The following CAPSL variants were observed in gnomAD, a reference collection of about 807,000 sequenced individuals.
CAPSL encodes the protein calcyphosin-like protein.
In CAPSL, 17 loss-of-function variants were observed where a neutral mutation model predicts 21.3. The ratio of observed to expected loss-of-function variants is 0.80; its 90% CI spans 0.55 to 1.20. CAPSL has a LOEUF of 1.20. CAPSL is among the 50% of genes most tolerant of loss of function. The probability of loss-of-function intolerance (pLI) is 0.00; values close to 1 mark genes in which losing one functional copy is unlikely to be tolerated. For missense variants in CAPSL, 289 were observed against 259.3 expected, an observed-to-expected ratio of 1.11 and a Z score of -0.79; for synonymous variants, 102 against 89.3, an observed-to-expected ratio of 1.14 and a Z score of -0.80.
At chr5:35,931,665 T>G (rs1275202005) in intron 1 of CAPSL, among the ~76,000 whole-genome samples, 1 of 152,184 alleles carries the variant, frequency 6.6e-6, no homozygotes, top group Admixed American at 6.5e-5. Flanking sequence ...ACCTGCTCGA[T>G]GCAACATCTT....
chr5:35,930,613 C>A (rs1248993838), intron 1 of CAPSL, among the ~76,000 whole-genome samples: 1 of 152,182 alleles, frequency 6.6e-6, no homozygotes, highest in African/African-American at 2.4e-5. Flanking sequence ...CCACTCTAGT[C>A]TTGGTTCTGC....
rs1244471124 is a variant in CAPSL at position 35,921,045 on chromosome 5, T to C, written c.76A>G (p.Ile26Val). 1 of 1,613,980 alleles carries C rather than the reference T, an allele frequency of 6.2e-7. No homozygotes were observed. The highest frequency in any genetic ancestry group is 8.5e-7 in the Non-Finnish European group (1 of 1,180,020). The change falls in exon 2 of 5, where the codon ATT becomes GTT. Residue 26 changes from isoleucine (I) to valine (V), a missense_variant. Coordinates refer to ENST00000651391, the MANE Select transcript of CAPSL (RefSeq NM_001042625.2). ...AGGCACTGCAGTCGGAGTCTTTCAA[T>C]GGGGTCGGTGGCCGTGGTGAGCTTT... ...KKKLTTATDP[I>V]ERLRLQCLAR...
chr5:35,928,825 T>A (rs899406366), intron 1 of CAPSL, among the ~76,000 whole-genome samples: 1 of 152,094 alleles, frequency 6.6e-6, no homozygotes, highest in Non-Finnish European at 1.5e-5. Context: ...GAAGCCCTGA[T>A]ATAGAGAAAG....
chr5:35,916,387 A>G (rs183776639), intron 2 of CAPSL, among the ~76,000 whole-genome samples: 3,335 of 152,338 alleles, frequency 0.022, 119 homozygotes, highest in African/African-American at 0.076. Flanking sequence ...TGGAACCAAA[A>G]AAAGAGCCCA....
chr5:35,935,258 A>G (rs928092080), intron 1 of CAPSL, among the ~76,000 whole-genome samples: 1 of 152,040 alleles, frequency 6.6e-6, no homozygotes, highest in African/African-American at 2.4e-5. Context: ...CTTGATTTCT[A>G]CCAACTCAAC....
chr5:35,918,721 G>C (rs946461771), intron 2 of CAPSL, among the ~76,000 whole-genome samples: 4 of 152,102 alleles, frequency 2.6e-5, no homozygotes, highest in South Asian at 2.1e-4. Context: ...GTCATTAAAT[G>C]GTTGACTTGA....
intron 1 of CAPSL, among the ~76,000 whole-genome samples, chr5:35,936,207 G>A (rs1369482229): frequency 6.6e-6 from 1 of 152,056 alleles, no homozygotes; most frequent in Non-Finnish European, 1.5e-5. Context: ...AGGGCATCCT[G>A]ACTTCATCCT....
intron 1 of CAPSL, among the ~76,000 whole-genome samples, chr5:35,937,849 A>G (rs554543959): frequency 2.0e-5 from 3 of 151,592 alleles, no homozygotes; most frequent in Non-Finnish European, 4.4e-5. Flanking sequence ...AAAAAAAAAA[A>G]CAGGTAAGAA....
chr5:35,914,356 G>T (rs1738313647), intron 2 of CAPSL, among the ~76,000 whole-genome samples: 2 of 152,112 alleles, frequency 1.3e-5, no homozygotes, highest in South Asian at 4.2e-4. Context: ...GCACCAAGCG[G>T]ACCTAATAGA....
At chr5:35,929,963 G>A (rs1459897614) in intron 1 of CAPSL, among the ~76,000 whole-genome samples, 1 of 152,060 alleles carries the variant, frequency 6.6e-6, no homozygotes, top group Non-Finnish European at 1.5e-5. Context: ...TGATGTGTGA[G>A]GGTTTTTAAA....
In CAPSL at chr5:35,921,138, C is replaced by T. The variant is rs1005401812; in HGVS notation, c.1-18G>A. ...CCTGCCATCTGAGGGGAAGCCATAG[C>T]ATGTTAGCAAAGTCCAGGCCTCGCC... On this transcript the variant is annotated intron_variant, in intron 1 of 4. Coordinates refer to ENST00000651391, the MANE Select transcript of CAPSL (RefSeq NM_001042625.2). 1 of 1,612,946 alleles carries T rather than the reference C, an allele frequency of 6.2e-7. No individual in the cohort carries two copies. The highest frequency in any genetic ancestry group is 8.5e-7 in the Non-Finnish European group (1 of 1,179,686).
intron 3 of CAPSL, 48 bp from the exon 4 acceptor site, chr5:35,910,123 C>A: frequency 6.8e-7 from 1 of 1,469,220 alleles, no homozygotes; most frequent in Non-Finnish European, 9.2e-7. Flanking sequence ...AGCAAATGAG[C>A]TTTTTTGGTA....
chr5:35,923,521 G>T (rs1738591821), intron 1 of CAPSL, among the ~76,000 whole-genome samples: 1 of 152,200 alleles, frequency 6.6e-6, no homozygotes. Context: ...TGGATAAAGG[G>T]ATAAGCAAAT....
At chr5:35,919,033 G>A (rs979620360) in intron 2 of CAPSL, among the ~76,000 whole-genome samples, 18 of 151,692 alleles carry the variant, frequency 1.2e-4, no homozygotes, top group African/African-American at 2.9e-4. Context: ...TGTTAAAACC[G>A]TAGGGGCTGC....
intron 1 of CAPSL, among the ~76,000 whole-genome samples, chr5:35,928,837 C>T (rs1561443649): frequency 6.6e-6 from 1 of 152,062 alleles, no homozygotes; most frequent in Non-Finnish European, 1.5e-5. Context: ...TAGAGAAAGA[C>T]CTGGGACCAC....
rs1738293743 is a variant in CAPSL, at chr5:35,913,710, A to C, written c.138-3167T>G. ...CCCTAAAAGAGCTCCTGAAGGAAGCACTAAATGTGGAAAGGAACAACCGGT... is the reference window on the plus strand; with the variant it reads ...CCCTAAAAGAGCTCCTGAAGGAAGCCCTAAATGTGGAAAGGAACAACCGGT... On this transcript the variant is annotated intron_variant, in intron 2 of 4. Coordinates refer to ENST00000651391, the MANE Select transcript of CAPSL (RefSeq NM_001042625.2). Among the ~76,000 whole-genome samples, 3 of 152,196 alleles carry C rather than the reference A, an allele frequency of 2.0e-5. No individual in the cohort carries two copies. The South Asian group carries it at 6.2e-4, about 32-fold the overall frequency.
chr5:35,925,740 G>T (rs1464901209), intron 1 of CAPSL, among the ~76,000 whole-genome samples: 1 of 151,924 alleles, frequency 6.6e-6, no homozygotes, highest in African/African-American at 2.4e-5. Context: ...AAAAACAGGA[G>T]ACCACAAAAA....
chr5:35,921,177 G>A (rs1580889667), intron 1 of CAPSL, 57 bp from the exon 2 acceptor site: 3 of 1,578,186 alleles, frequency 1.9e-6, no homozygotes, highest in Admixed American at 1.8e-5. Context: ...GCCTCTGGCT[G>A]GGCAGAGTGA....
At chr5:35,907,952 C>T (rs746209238) in intron 4 of CAPSL, among the ~76,000 whole-genome samples, 10 of 152,068 alleles carry the variant, frequency 6.6e-5, no homozygotes, top group African/African-American at 2.4e-5. Context: ...ATTCAGTGTG[C>T]GAAAGTTTGA....
Sources: allele counts gnomAD v4.1 joint callset (sites outside exome capture counted in the v4.1 genomes callset), GRCh38; gene constraint gnomAD v4.1.1; transcripts MANE v1.5; gene names NCBI Gene and HGNC (gene_info 2026-07-23, HGNC 2026-07-21).